The following PCCA variants were observed in gnomAD, a reference collection of about 807,000 sequenced individuals.
PCCA encodes propionyl-CoA carboxylase alpha chain, mitochondrial.
Under a neutral mutation model 101.3 loss-of-function variants are expected in PCCA, and 74 were observed. The observed-to-expected ratio is 0.73, with a 90% CI of 0.61 to 0.89. The LOEUF (loss-of-function observed/expected upper bound fraction) is 0.89, where lower values mean the gene tolerates loss of function less well. Among genes scored for constraint, PCCA ranks in the 40% least tolerant of loss-of-function variants. The pLI, the probability that PCCA is intolerant of heterozygous loss-of-function variation, is 0.00. For missense variants in PCCA, 891 were observed against 907.0 expected, an observed-to-expected ratio of 0.98 and a Z score of 0.23; for synonymous variants, 294 against 313.6, an observed-to-expected ratio of 0.94 and a Z score of 0.66.
chr13:100,234,901 A>ACACACACACACACCCCACACATACC, intron 7 of PCCA, among the ~76,000 whole-genome samples: 1 of 151,816 alleles, frequency 6.6e-6, no homozygotes, highest in Non-Finnish European at 1.5e-5. Context: ...AAACACACAC[A>ACACACACACACACCCCACACATACC]CACACACACA....
intron 22 of PCCA, among the ~76,000 whole-genome samples, chr13:100,521,999 AG>A (rs1223613213): frequency 2.6e-5 from 4 of 152,330 alleles, no homozygotes; most frequent in Admixed American, 1.3e-4. Flanking sequence ...TTCCCCAAAA[AG>A]GGGACTTAAT....
At chr13:100,457,059 T>G (rs1359987389) in intron 21 of PCCA, among the ~76,000 whole-genome samples, 1 of 152,118 alleles carries the variant, frequency 6.6e-6, no homozygotes, top group Non-Finnish European at 1.5e-5. Flanking sequence ...GCCTTCTAGG[T>G]CACTTCTCAC....
intron 12 of PCCA, among the ~76,000 whole-genome samples, chr13:100,301,121 C>T (rs2066027821): frequency 6.6e-6 from 1 of 152,178 alleles, no homozygotes; most frequent in South Asian, 2.1e-4. Context: ...TTATCGGCCA[C>T]ATTGAAGATT....
At position 100,530,143 on chromosome 13, in the gene PCCA, G is replaced by A. The variant is rs2088295803; in HGVS notation, c.2164G>A (p.Asp722Asn). The A allele has an allele frequency of 1.2e-6, 2 of 1,614,022 alleles. No homozygotes were observed. Among genetic ancestry groups the A allele is most frequent in the South Asian group, 1.1e-5 (1 of 91,076 alleles). ...CQAGDTVGEG[D>N]LLVELE The stretch of plus-strand genomic sequence containing the variant: ...AGCTGGAGACACAGTTGGAGAAGGG[G>A]ATCTGCTCGTGGAGCTGGAATGAAG... Residue 722 changes from aspartate (D) to asparagine (N), a missense_variant, in exon 24 of 24, where the codon GAT (aspartate) becomes AAT (asparagine). Asp to Asn is a conservative substitution (Grantham distance 23). Coordinates refer to ENST00000376285, the MANE Select transcript of PCCA (RefSeq NM_000282.4).
chr13:100,456,821 T>TG (rs1410148286), intron 21 of PCCA, among the ~76,000 whole-genome samples: 1 of 152,182 alleles, frequency 6.6e-6, no homozygotes, highest in Non-Finnish European at 1.5e-5. Context: ...GCGTGACCGT[T>TG]GAAGCACAGC....
chr13:100,311,589 G>A (rs1225305661), intron 16 of PCCA, among the ~76,000 whole-genome samples: 2 of 151,860 alleles, frequency 1.3e-5, no homozygotes, highest in African/African-American at 2.4e-5. Context: ...GGCCAACTTG[G>A]CAGAACCCCG....
chr13:100,173,705 G>A lies in PCCA; in HGVS notation c.468+16365G>A, dbSNP rs138768764. Among the ~76,000 whole-genome samples, 1,248 of 151,074 alleles carry A rather than the reference G, an allele frequency of 8.3e-3. 13 individuals carry two copies. The highest frequency in any genetic ancestry group is 0.013 in the Non-Finnish European group (865 of 67,884). On this transcript the variant is annotated intron_variant, in intron 6 of 23. Coordinates refer to ENST00000376285, the MANE Select transcript of PCCA (RefSeq NM_000282.4). Reference sequence around the variant, plus strand: ...GTAAACTTAAATGTGATATGGTTTGGCTGTGTCCCCACCCAAATCTCATCT... The same window carrying A: ...GTAAACTTAAATGTGATATGGTTTGACTGTGTCCCCACCCAAATCTCATCT...
At chr13:100,201,828 G>A (rs1034118395) in intron 6 of PCCA, among the ~76,000 whole-genome samples, 2 of 114,614 alleles carry the variant, frequency 1.7e-5, no homozygotes, top group Non-Finnish European at 3.2e-5. Context: ...TTGCACTCCA[G>A]CCTGGGCAAC....
chr13:100,125,418 A>G (rs180913489), intron 4 of PCCA, among the ~76,000 whole-genome samples: 80 of 152,310 alleles, frequency 5.3e-4, no homozygotes, highest in African/African-American at 1.8e-3. Context: ...AAGCCTCTGG[A>G]GAGTGACTGC....
chr13:100,410,649 AT>A (rs1229386155), intron 19 of PCCA, among the ~76,000 whole-genome samples: 2 of 152,114 alleles, frequency 1.3e-5, no homozygotes, highest in Non-Finnish European at 2.9e-5. Context: ...ATTCTGAAGT[AT>A]TTTATAGCAC....
At chr13:100,509,491 G>A (rs890363196) in intron 21 of PCCA, among the ~76,000 whole-genome samples, 5 of 152,152 alleles carry the variant, frequency 3.3e-5, no homozygotes, top group African/African-American at 9.7e-5. Flanking sequence ...TGAGACACTC[G>A]TTTTTACCCT....
Position 100,527,689 on chromosome 13 carries a change from A to C in PCCA, c.2055A>C (p.Gln685His), listed in dbSNP as rs147568036. 10 of 1,613,976 alleles carry C rather than the reference A, an allele frequency of 6.2e-6. No homozygotes were observed. The highest frequency in any genetic ancestry group is 7.6e-6 in the Non-Finnish European group (9 of 1,179,816). Reference sequence around the variant, plus strand: ...TTGTTTTCCAGGTAGCAGAAGGTCAAGAAATTTGTGTGATTGAAGCCATGA... The same window carrying C: ...TTGTTTTCCAGGTAGCAGAAGGTCACGAAATTTGTGTGATTGAAGCCATGA... ...VKPGDAVAEG[Q>H]EICVIEAMKM... is the part of the protein sequence containing the mutation. The change falls in exon 23 of 24, where the codon CAA becomes CAC. Residue 685 changes from glutamine to histidine, a missense_variant. Physicochemically the swap from Gln to His is conservative, Grantham distance 24. Coordinates refer to ENST00000376285, the MANE Select transcript of PCCA (RefSeq NM_000282.4).
At chr13:100,373,705 T>C (rs1249201418) in intron 19 of PCCA, among the ~76,000 whole-genome samples, 1 of 152,172 alleles carries the variant, frequency 6.6e-6, no homozygotes, top group Non-Finnish European at 1.5e-5. Flanking sequence ...GCAAATGTAT[T>C]TAATACCACT....
intron 8 of PCCA, among the ~76,000 whole-genome samples, chr13:100,247,116 C>T (rs2061480136): frequency 6.6e-6 from 1 of 151,842 alleles, no homozygotes; most frequent in African/African-American, 2.4e-5. Flanking sequence ...CCATGTTGGC[C>T]AGGCTGGTCT....
Position 100,488,364 on chromosome 13 carries a change from A to G in PCCA, c.1900-27063A>G, listed in dbSNP as rs149663277. Among the ~76,000 whole-genome samples, 268 of 152,326 alleles carry G rather than the reference A, an allele frequency of 1.8e-3. 1 individual carries two copies. The highest frequency in any genetic ancestry group is 2.9e-3 in the Non-Finnish European group (197 of 68,028). On this transcript the variant is annotated intron_variant, in intron 21 of 23. Coordinates refer to ENST00000376285, the MANE Select transcript of PCCA (RefSeq NM_000282.4). ...CGCCTCGGCTTCCCAAAGTGCTAGG[A>G]TTTACAGGTGTGAGCCGGCCGACCC...
chr13:100,529,980 C>G, intron 23 of PCCA, 118 bp from the exon 24 acceptor site: 1 of 806,412 alleles, frequency 1.2e-6, no homozygotes. Context: ...TGGCTTGTCC[C>G]TGTGCTGCTG....
At chr13:100,335,990 C>T (rs1006584081) in intron 17 of PCCA, among the ~76,000 whole-genome samples, 2 of 152,012 alleles carry the variant, frequency 1.3e-5, no homozygotes, top group African/African-American at 2.4e-5. Context: ...TGGCCGGGCA[C>T]GGTGGCTCAT....
intron 22 of PCCA, among the ~76,000 whole-genome samples, chr13:100,525,666 G>A (rs77240862): frequency 7.7e-4 from 117 of 152,382 alleles, no homozygotes; most frequent in African/African-American, 2.8e-3. Flanking sequence ...CGCAGATTCT[G>A]AGCAAGGGGA....
intron 19 of PCCA, among the ~76,000 whole-genome samples, chr13:100,381,673 G>A (rs550712082): frequency 2.0e-5 from 3 of 152,292 alleles, no homozygotes; most frequent in Admixed American, 6.5e-5. Flanking sequence ...TTGCGGGACC[G>A]CTTTGCCACG....
Sources: allele counts gnomAD v4.1 joint callset (sites outside exome capture counted in the v4.1 genomes callset), GRCh38; gene constraint gnomAD v4.1.1; transcripts MANE v1.5; gene names NCBI Gene and HGNC (gene_info 2026-07-23, HGNC 2026-07-21).